UHRF1: variants seen among roughly 807,000 people sequenced by gnomAD.
The protein encoded by UHRF1 is E3 ubiquitin-protein ligase UHRF1.
UHRF1 carries 9 observed loss-of-function variants against 96.5 expected under a neutral mutation model. The ratio of observed to expected loss-of-function variants is 0.09; its 90% CI spans 0.06 to 0.16. UHRF1 has a LOEUF of 0.16. UHRF1 is among the 10% of genes least tolerant of loss of function. UHRF1 has a pLI of 1.00. For missense variants in UHRF1, 626 were observed against 1,131.1 expected, an observed-to-expected ratio of 0.55 and a Z score of 6.40; for synonymous variants, 455 against 469.9, an observed-to-expected ratio of 0.97 and a Z score of 0.41.
At chr19:4,945,443 G>A (rs1247744198) in intron 9 of UHRF1, among the ~76,000 whole-genome samples, 2 of 152,064 alleles carry the variant, frequency 1.3e-5, no homozygotes, top group Non-Finnish European at 1.5e-5. Flanking sequence ...ATTTTTGGTA[G>A]AGATGGGGTT....
intron 5 of UHRF1, among the ~76,000 whole-genome samples, chr19:4,934,796 G>A (rs1412141558): frequency 1.3e-5 from 2 of 152,166 alleles, no homozygotes; most frequent in African/African-American, 4.8e-5. Flanking sequence ...TGAGCTGCGG[G>A]TGATGGAGGG....
At position 4,911,984 on chromosome 19, in the gene UHRF1, A is replaced by G. The variant is rs375813113; in HGVS notation, c.153+946A>G. Among the ~76,000 whole-genome samples the G allele has an allele frequency of 3.9e-5, 6 of 152,180 alleles. No individual in the cohort carries two copies. In the South Asian group the frequency reaches 1.2e-3, roughly 31 times the overall value. On this transcript the variant is annotated intron_variant, in intron 2 of 16. Coordinates refer to ENST00000650932, the MANE Select transcript of UHRF1 (RefSeq NM_001048201.3). Reference sequence around the variant, plus strand: ...TGCCATCTGGTGTCTAGGTTGGAAAATAAACACTGCGCCCGGCCAGGGGTT... The same window carrying G: ...TGCCATCTGGTGTCTAGGTTGGAAAGTAAACACTGCGCCCGGCCAGGGGTT...
chr19:4,909,842 G>A (rs1249196894), intron 1 of UHRF1, 187 bp downstream of exon 1: 3 of 397,320 alleles, frequency 7.6e-6, no homozygotes, highest in Non-Finnish European at 1.3e-5. Context: ...GCTGGAGCCG[G>A]GACCAGCGCT....
Position 4,954,240 on chromosome 19 carries a change from G to T in UHRF1, c.1819-110G>T. 6.7e-7 allele frequency: 1 copy of T among 1,498,244 alleles called. No homozygotes were observed. The highest frequency in any genetic ancestry group is 9.0e-7 in the Non-Finnish European group (1 of 1,110,780). The allele number at this position is 1,498,244 out of a possible 1,614,324, so 92.8% of individuals were successfully genotyped here. ...ACCCTGTGCTCTTCAGGGGGATTGG[G>T]GGTCAGGTGTGTCTGGAAACCCAGA... On this transcript the variant is annotated intron_variant, in intron 13 of 16. Transcript: ENST00000650932. This position sits in a 1 kb window ranked among gnomAD's most constrained non-coding sequence, Gnocchi z 5.9.
chr19:4,943,732 C>T (rs1174026573), intron 7 of UHRF1, among the ~76,000 whole-genome samples: 3 of 152,012 alleles, frequency 2.0e-5, no homozygotes, highest in Non-Finnish European at 4.4e-5. Flanking sequence ...CTCACTGCAA[C>T]CTCTGCCTCC....
In UHRF1 at chr19:4,911,134, C is replaced by G. The variant is rs536141098; in HGVS notation, c.153+96C>G. ...ACTTTCTCCCTCCCACCTCCCCCCC[C>G]AACAACCTCGTCCGGTCCCACTTCA... On this transcript the variant is annotated intron_variant, in intron 2 of 16. Coordinates refer to ENST00000650932, the MANE Select transcript of UHRF1 (RefSeq NM_001048201.3). 6.4e-6 allele frequency: 8 copies of G among 1,254,374 alleles called. No homozygotes were observed. In the East Asian group the frequency reaches 1.8e-4, roughly 28 times the overall value. 77.7% of individuals were successfully genotyped at this position (1,254,374 alleles called of 1,614,324 possible). A position where few individuals can be genotyped will look rare whatever the true frequency, so the allele number is the denominator to read the frequency against.
intron 2 of UHRF1, among the ~76,000 whole-genome samples, chr19:4,912,488 A>G (rs865923615): frequency 2.0e-5 from 3 of 152,132 alleles, no homozygotes; most frequent in Non-Finnish European, 4.4e-5. Flanking sequence ...ACTCTATGCC[A>G]GCCACCGAGC....
At chr19:4,935,543 T>C (rs2033191034) in intron 5 of UHRF1, among the ~76,000 whole-genome samples, 2 of 151,772 alleles carry the variant, frequency 1.3e-5, no homozygotes, top group African/African-American at 4.8e-5. Context: ...GATGGGGGCT[T>C]CATTTTTTTT....
chr19:4,918,311 G>A lies in UHRF1; in HGVS notation c.153+7273G>A, dbSNP rs145484750. On this transcript the variant is annotated intron_variant, in intron 2 of 16. Coordinates refer to ENST00000650932, the MANE Select transcript of UHRF1 (RefSeq NM_001048201.3). ...ATTTTTTTGTATTTTTAGTAGAGAC[G>A]GGGTTTCACCACGTTGGCCAGGTTG... Among the ~76,000 whole-genome samples, 11 of 151,958 alleles carry A rather than the reference G, an allele frequency of 7.2e-5. No homozygotes were observed. In the East Asian group the frequency reaches 1.7e-3, roughly 24 times the overall value.
intron 2 of UHRF1, among the ~76,000 whole-genome samples, chr19:4,912,011 T>C (rs2032298462): frequency 6.6e-6 from 1 of 152,168 alleles, no homozygotes; most frequent in Admixed American, 6.5e-5. Flanking sequence ...CCAGGGGTTT[T>C]TGGGGGCTGG....
At chr19:4,949,381 C>T (rs1568429021) in intron 11 of UHRF1, among the ~76,000 whole-genome samples, 3 of 150,386 alleles carry the variant, frequency 2.0e-5, no homozygotes, top group Non-Finnish European at 3.0e-5. Flanking sequence ...ACTCTAACTC[C>T]GCTTTGAAAA....
At position 4,945,979 on chromosome 19, in the gene UHRF1, TGGGAGGGGTGG is replaced by T; in HGVS notation, c.1410+22_1410+32del. The T allele has an allele frequency of 1.9e-5, 11 of 576,898 alleles. No individual in the cohort carries two copies. Among genetic ancestry groups the T allele is most frequent in the Non-Finnish European group, 2.8e-5 (10 of 358,714 alleles). The allele number at this position is 576,898 out of a possible 1,614,324, so 35.7% of individuals were successfully genotyped here. A position where few individuals can be genotyped will look rare whatever the true frequency, so the allele number is the denominator to read the frequency against. ...GAGGATGATGTGGTGAGTGTGTGTG[TGGGAGGGGTGG>T]GGGAGGGTTGCTCTAGTTTTTTGGA... On this transcript the variant is annotated intron_variant, in intron 10 of 16. Transcript: ENST00000650932.
chr19:4,909,383 A>C (rs758523858), upstream of UHRF1: 196 of 612,600 alleles, frequency 3.2e-4, no homozygotes, highest in Middle Eastern at 2.3e-3. Flanking sequence ...GGCGCCCCCC[A>C]CCCTCTTTCT....
intron 2 of UHRF1, among the ~76,000 whole-genome samples, chr19:4,918,715 G>GTTTTTTTTT (rs536401524): frequency 8.7e-6 from 1 of 115,318 alleles, no homozygotes. Context: ...TGCCCAGCTG[G>GTTTTTTTTT]TTTTTTTTTT....
At chr19:4,951,198 G>T (rs2033709148) in intron 13 of UHRF1, among the ~76,000 whole-genome samples, 1 of 152,186 alleles carries the variant, frequency 6.6e-6, no homozygotes, top group Admixed American at 6.5e-5. Flanking sequence ...CCCAGAAGGT[G>T]GAGGTTATAA....
At position 4,938,730 on chromosome 19, in the gene UHRF1, GTTTTTTTTTTTTTTTTTT is replaced by G. The variant is rs71170880; in HGVS notation, c.786-2784_786-2767del. On this transcript the variant is annotated intron_variant, in intron 5 of 16. Transcript: ENST00000650932. ...GGCATAAGAGTTTTGTTTTGGTCAG[GTTTTTTTTTTTTTTTTTT>G]TTTTTTTTTTTTTGAGATAAGGTCT... Among the ~76,000 whole-genome samples, 80 of 61,592 alleles carry G rather than the reference GTTTTTTTTTTTTTTTTTT, an allele frequency of 1.3e-3. 3 individuals are homozygous for G. Among genetic ancestry groups the G allele is most frequent in the African/African-American group, 5.0e-3 (71 of 14,074 alleles). The allele number at this position is 61,592 out of a possible 152,430, so 40.4% of individuals were successfully genotyped here.
chr19:4,911,872 C>G (rs372539157), intron 2 of UHRF1, among the ~76,000 whole-genome samples: 2 of 152,080 alleles, frequency 1.3e-5, no homozygotes, highest in Non-Finnish European at 2.9e-5. Context: ...TGGGGACGGG[C>G]GTAGACTACT....
At chr19:4,924,826 G>GTTT (rs35008694) in intron 2 of UHRF1, among the ~76,000 whole-genome samples, 25 of 127,318 alleles carry the variant, frequency 2.0e-4, no homozygotes, top group Non-Finnish European at 2.4e-4. Context: ...TTGGTGTTAA[G>GTTT]TTTTTTTTTT....
chr19:4,948,101 CAAA>C (rs545933981), intron 11 of UHRF1, among the ~76,000 whole-genome samples: 7 of 75,734 alleles, frequency 9.2e-5, no homozygotes, highest in African/African-American at 1.8e-4. Context: ...GAGATCTTGT[CAAA>C]AAAAAAAAAA....
Sources: gnomAD v4.1 joint callset for allele counts (sites outside exome capture counted in the v4.1 genomes callset) on GRCh38, gnomAD v4.1.1 for gene constraint, Gnocchi (gnomAD v3.1) non-coding constraint, MANE v1.5 for transcripts, NCBI Gene and HGNC (gene_info 2026-07-23, HGNC 2026-07-21) for gene names.